Variants in PEBP4 observed in about 807,000 individuals in gnomAD.
The protein encoded by PEBP4 is phosphatidylethanolamine-binding protein 4.
Under a neutral mutation model 23.9 loss-of-function variants are expected in PEBP4, and 22 were observed. The ratio of observed to expected loss-of-function variants is 0.92; its 90% CI spans 0.66 to 1.31. The LOEUF (loss-of-function observed/expected upper bound fraction) is 1.31, where lower values mean the gene tolerates loss of function less well. PEBP4 is among the 40% of genes most tolerant of loss of function. The probability of loss-of-function intolerance (pLI) is 0.00; values close to 1 mark genes in which losing one functional copy is unlikely to be tolerated. For missense variants in PEBP4, 324 were observed against 281.7 expected (o/e 1.15, Z -1.07); for synonymous variants, 112 against 99.3 (o/e 1.13, Z -0.76).
intron 4 of PEBP4, among the ~76,000 whole-genome samples, chr8:22,802,950 C>G (rs1488279173): frequency 1.3e-5 from 2 of 152,160 alleles, no homozygotes; most frequent in Non-Finnish European, 2.9e-5. Flanking sequence ...GAGACTAGAG[C>G]AGCGTCACCA....
chr8:22,727,319 GGGAGAGGAAGGAGGA>G (rs1804638939), intron 4 of PEBP4, 99 bp from the exon 5 acceptor site: 1 of 1,128,840 alleles, frequency 8.9e-7, no homozygotes, highest in African/African-American at 1.9e-5. Context: ...GGAGGAGGAT[GGGAGAGGAAGGAGGA>G]TGGGAGAAGA....
intron 4 of PEBP4, among the ~76,000 whole-genome samples, chr8:22,802,068 GC>G (rs1157624445): frequency 6.6e-6 from 1 of 152,126 alleles, no homozygotes; most frequent in Non-Finnish European, 1.5e-5. Flanking sequence ...CCTTCCTGCT[GC>G]CCCTCCCCCC....
intron 4 of PEBP4, among the ~76,000 whole-genome samples, chr8:22,793,395 T>C (rs1806179803): frequency 6.6e-6 from 1 of 151,720 alleles, no homozygotes; most frequent in African/African-American, 2.4e-5. Context: ...GCCTCCCATG[T>C]AGCTGGGATT....
chr8:22,765,170 A>G (rs954510838), intron 4 of PEBP4, among the ~76,000 whole-genome samples: 3 of 123,026 alleles, frequency 2.4e-5, no homozygotes, highest in African/African-American at 9.0e-5. Flanking sequence ...CTGAGACAGC[A>G]TCTTGATGCG....
At chr8:22,873,627 G>A (rs1808056850) in intron 3 of PEBP4, among the ~76,000 whole-genome samples, 1 of 152,186 alleles carries the variant, frequency 6.6e-6, no homozygotes, top group African/African-American at 2.4e-5. Context: ...GCAACACTCT[G>A]TCTCAAAAAT....
intron 4 of PEBP4, among the ~76,000 whole-genome samples, chr8:22,773,044 C>T (rs2128754197): frequency 6.6e-6 from 1 of 151,174 alleles, no homozygotes; most frequent in South Asian, 2.1e-4. Flanking sequence ...TCTTTCCCCA[C>T]CCCCAAAGAA....
chr8:22,920,422 T>G, intron 2 of PEBP4, 112 bp from the exon 3 acceptor site: 1 of 1,221,546 alleles, frequency 8.2e-7, no homozygotes, highest in African/African-American at 1.5e-5. Flanking sequence ...GATCAAATCC[T>G]AAACCTGCCA....
intron 4 of PEBP4, among the ~76,000 whole-genome samples, chr8:22,779,108 C>A (rs1042831479): frequency 7.9e-5 from 12 of 151,632 alleles, no homozygotes; most frequent in Admixed American, 6.6e-4. Flanking sequence ...GTTTCCTCAC[C>A]AAGTCAGCTG....
intron 6 of PEBP4, among the ~76,000 whole-genome samples, chr8:22,721,638 G>A (rs1172768237): frequency 6.6e-6 from 1 of 152,092 alleles, no homozygotes; most frequent in Admixed American, 6.5e-5. Flanking sequence ...TTCCCCTCGA[G>A]TCTCTAGAAG....
intron 4 of PEBP4, among the ~76,000 whole-genome samples, chr8:22,807,302 G>A (rs1806517298): frequency 6.6e-6 from 1 of 152,180 alleles, no homozygotes; most frequent in South Asian, 2.1e-4. Context: ...CAGATCAGCA[G>A]GAGAACACGA....
At chr8:22,776,560 C>T (rs562025490) in intron 4 of PEBP4, among the ~76,000 whole-genome samples, 1 of 152,074 alleles carries the variant, frequency 6.6e-6, no homozygotes, top group Admixed American at 6.5e-5. Flanking sequence ...CTTACATCCT[C>T]CTCCCACGGG....
At chr8:22,870,029 A>G (rs570023923) in intron 3 of PEBP4, among the ~76,000 whole-genome samples, 2 of 152,350 alleles carry the variant, frequency 1.3e-5, no homozygotes, top group Admixed American at 6.5e-5. Flanking sequence ...TACTCCTAGC[A>G]TACAATCCAG....
At chr8:22,898,371 G>T (rs576305903) in intron 3 of PEBP4, among the ~76,000 whole-genome samples, 1 of 118,882 alleles carries the variant, frequency 8.4e-6, no homozygotes, top group African/African-American at 3.2e-5. Flanking sequence ...CAGCCTGAGC[G>T]ACAGAGGAAG....
At chr8:22,889,565 G>A (rs1179946596) in intron 3 of PEBP4, among the ~76,000 whole-genome samples, 1 of 152,194 alleles carries the variant, frequency 6.6e-6, no homozygotes, top group Non-Finnish European at 1.5e-5. Context: ...CCTTAAAGGA[G>A]GTAAAAGGTA....
chr8:22,903,854 C>T (rs1808756224), intron 3 of PEBP4, among the ~76,000 whole-genome samples: 1 of 152,222 alleles, frequency 6.6e-6, no homozygotes, highest in East Asian at 1.9e-4. Flanking sequence ...TCCTCTTTGA[C>T]CTCCTTCAAG....
intron 3 of PEBP4, among the ~76,000 whole-genome samples, chr8:22,839,735 C>T (rs1048065764): frequency 5.3e-5 from 8 of 152,256 alleles, no homozygotes; most frequent in African/African-American, 1.9e-4. Context: ...TAACTGAGAA[C>T]CACAACCTGA....
intron 4 of PEBP4, chr8:22,757,389 C>T (rs1274388112): frequency 6.6e-6 from 1 of 152,258 alleles, no homozygotes; most frequent in Non-Finnish European, 1.5e-5. Context: ...AACTTCATGG[C>T]AACTGCCCAG....
At chr8:22,940,815 T>C (rs1809603222) in intron 1 of PEBP4, among the ~76,000 whole-genome samples, 1 of 152,196 alleles carries the variant, frequency 6.6e-6, no homozygotes, top group Non-Finnish European at 1.5e-5. Flanking sequence ...AATAGCTCCC[T>C]AGGCCAAGGT....
At chr8:22,928,692 C>T (rs1352111258), upstream of PEBP4, among the ~76,000 whole-genome samples, 1 of 152,114 alleles carries the variant, frequency 6.6e-6, no homozygotes, top group Admixed American at 6.5e-5. Flanking sequence ...GTGGGAGAGA[C>T]GTGCCAGCAA....
Sources: gnomAD v4.1 joint callset for allele counts (sites outside exome capture counted in the v4.1 genomes callset) on GRCh38, gnomAD v4.1.1 for gene constraint, MANE v1.5 for transcripts, NCBI Gene and HGNC (gene_info 2026-07-23, HGNC 2026-07-21) for gene names.